CYP46A1: variants seen among roughly 807,000 people sequenced by gnomAD.
The protein encoded by CYP46A1 is cholesterol 24-hydroxylase.
Under a neutral mutation model 63.3 loss-of-function variants are expected in CYP46A1, and 20 were observed. The observed-to-expected ratio is 0.32, with a 90% confidence interval of 0.22 to 0.46. The LOEUF is 0.46. Ranked by LOEUF, CYP46A1 falls within the 20% of genes least tolerant of loss-of-function variation. The pLI, the probability that CYP46A1 is intolerant of heterozygous loss-of-function variation, is 1.00. For missense variants in CYP46A1, 445 were observed against 670.8 expected, an observed-to-expected ratio of 0.66 and a Z score of 3.72; for synonymous variants, 268 against 273.6, an observed-to-expected ratio of 0.98 and a Z score of 0.20.
Position 99,725,526 on chromosome 14 carries a change from G to A in CYP46A1, c.1265+47G>A. The A allele has an allele frequency of 6.9e-7, 1 of 1,444,602 alleles. No individual in the cohort carries two copies. Among genetic ancestry groups the A allele is most frequent in the Non-Finnish European group, 9.7e-7 (1 of 1,026,064 alleles). 89.5% of individuals were successfully genotyped at this position (1,444,602 alleles called of 1,614,324 possible). On this transcript the variant is annotated intron_variant, in intron 13 of 14. Coordinates refer to ENST00000261835, the MANE Select transcript of CYP46A1 (RefSeq NM_006668.2). This position sits in a 1 kb window ranked among gnomAD's most constrained non-coding sequence, Gnocchi z 4.2. Reference sequence around the variant, plus strand: ...CCATGAGTGGGGCTGGCGGGAGAAGGACAGACACAGCGGCCTCTGGTCTGA... The same window carrying A: ...CCATGAGTGGGGCTGGCGGGAGAAGAACAGACACAGCGGCCTCTGGTCTGA...
At chr14:99,686,147 A>G (rs563458441) in intron 1 of CYP46A1, among the ~76,000 whole-genome samples, 4 of 152,298 alleles carry the variant, frequency 2.6e-5, no homozygotes, top group Admixed American at 2.6e-4. Context: ...TCAAGGTTGA[A>G]TGGTGGAAAT....
At chr14:99,691,481 T>G in intron 2 of CYP46A1, 1 of 571,804 alleles carries the variant, frequency 1.7e-6, no homozygotes, top group Admixed American at 3.1e-5. Flanking sequence ...TCAAAGTACT[T>G]TCAAAGATGC....
chr14:99,726,385 C>T lies in CYP46A1; in HGVS notation c.1332+129C>T, dbSNP rs2056898117. 5.0e-6 allele frequency: 6 copies of T among 1,205,660 alleles called. No individual in the cohort carries two copies. In the African/African-American group the frequency reaches 9.3e-5, roughly 19 times the overall value. The allele number at this position is 1,205,660 out of a possible 1,614,324, so 74.7% of individuals were successfully genotyped here. ...CTGTGGGCTCGGGACCCAGCGGAGC[C>T]AGACCCAGAGGACTGGCTGTGTTTT... On this transcript the variant is annotated intron_variant, in intron 14 of 14. Coordinates refer to ENST00000261835, the MANE Select transcript of CYP46A1 (RefSeq NM_006668.2).
chr14:99,715,704 C>A (rs1021981969), intron 7 of CYP46A1, 106 bp from the exon 8 acceptor site: 3 of 1,451,920 alleles, frequency 2.1e-6, no homozygotes, highest in Non-Finnish European at 2.9e-6. Context: ...ATTCTACTGA[C>A]CTCCCAGCTT....
At chr14:99,688,679 T>G (rs368341093) in intron 1 of CYP46A1, among the ~76,000 whole-genome samples, 5 of 152,196 alleles carry the variant, frequency 3.3e-5, no homozygotes, top group African/African-American at 1.2e-4. Flanking sequence ...CTTCACCCTC[T>G]CGTTCCCTGT....
chr14:99,691,659 T>G, intron 2 of CYP46A1, 121 bp from the exon 3 acceptor site: 16 of 887,648 alleles, frequency 1.8e-5, no homozygotes, highest in Non-Finnish European at 3.0e-5. Context: ...ACAGCACTCT[T>G]TTGGTAGCAT....
chr14:99,717,370 C>T (rs896570623), intron 9 of CYP46A1, among the ~76,000 whole-genome samples: 4 of 152,064 alleles, frequency 2.6e-5, no homozygotes, highest in Admixed American at 6.6e-5. Flanking sequence ...AAACTGAGGC[C>T]GAGGAGGGAA....
intron 5 of CYP46A1, chr14:99,706,387 C>G: frequency 2.3e-6 from 1 of 439,182 alleles, no homozygotes; most frequent in South Asian, 2.7e-5. Flanking sequence ...CAGTGACCAA[C>G]AGAGTACCTG....
At chr14:99,700,223 G>A in intron 5 of CYP46A1, 122 bp downstream of exon 5, 1 of 584,924 alleles carries the variant, frequency 1.7e-6, no homozygotes, top group South Asian at 2.6e-5. Flanking sequence ...GCTGAAGGGA[G>A]AGAGGAAAAA....
intron 10 of CYP46A1, among the ~76,000 whole-genome samples, chr14:99,720,001 A>T (rs1425653344): frequency 1.3e-5 from 2 of 150,856 alleles, no homozygotes; most frequent in African/African-American, 2.4e-5. Context: ...TGACCTCATG[A>T]TCCACCCGCC....
At chr14:99,689,339 G>A (rs2056523478) in intron 1 of CYP46A1, among the ~76,000 whole-genome samples, 1 of 152,334 alleles carries the variant, frequency 6.6e-6, no homozygotes, top group African/African-American at 2.4e-5. Context: ...GTGGGAGGAG[G>A]AGAGTGGATA....
intron 2 of CYP46A1, 91 bp downstream of exon 2, chr14:99,691,252 A>G: frequency 1.6e-6 from 2 of 1,273,716 alleles, no homozygotes; most frequent in Non-Finnish European, 2.3e-6. Flanking sequence ...TCCCAGCCTC[A>G]CCTTCCCCTA....
At chr14:99,684,619 G>A in intron 1 of CYP46A1, 83 bp downstream of exon 1, 3 of 1,259,862 alleles carry the variant, frequency 2.4e-6, no homozygotes, top group South Asian at 1.4e-5. Context: ...GTCCAGGCCG[G>A]GGGTCCGGCC....
chr14:99,711,124 C>T (rs894287949), intron 7 of CYP46A1: 3 of 151,978 alleles, frequency 2.0e-5, no homozygotes, highest in Non-Finnish European at 2.9e-5. Flanking sequence ...AAGGGGAACA[C>T]AACATACCAA....
intron 10 of CYP46A1, among the ~76,000 whole-genome samples, 185 bp from the exon 11 acceptor site, chr14:99,721,054 C>T (rs1178337682): frequency 6.6e-6 from 1 of 152,224 alleles, no homozygotes; most frequent in Non-Finnish European, 1.5e-5. Flanking sequence ...CACACCACTG[C>T]ACTCCAGCCT....
chr14:99,690,898 G>A (rs1389421393), intron 1 of CYP46A1, among the ~76,000 whole-genome samples, 183 bp from the exon 2 acceptor site: 2 of 152,150 alleles, frequency 1.3e-5, no homozygotes, highest in African/African-American at 2.4e-5. Flanking sequence ...TTTGGAGCTG[G>A]TCAGACCTGG....
At chr14:99,700,392 A>C (rs1185810770) in intron 5 of CYP46A1, among the ~76,000 whole-genome samples, 1 of 152,216 alleles carries the variant, frequency 6.6e-6, no homozygotes, top group Non-Finnish European at 1.5e-5. Flanking sequence ...AGAGCTCCCC[A>C]CATCAGACCT....
chr14:99,703,504 C>A, intron 5 of CYP46A1: 2 of 809,620 alleles, frequency 2.5e-6, no homozygotes, highest in Non-Finnish European at 1.5e-6. Flanking sequence ...TAAACCCCTC[C>A]AACCTTTGCA....
At chr14:99,701,996 G>A (rs2056634856) in intron 5 of CYP46A1, among the ~76,000 whole-genome samples, 1 of 151,394 alleles carries the variant, frequency 6.6e-6, no homozygotes, top group African/African-American at 2.4e-5. Flanking sequence ...CTTGAACCTG[G>A]GAGGCGGAGG....
Sources: gnomAD v4.1 joint callset for allele counts (sites outside exome capture counted in the v4.1 genomes callset) on GRCh38, gnomAD v4.1.1 for gene constraint, Gnocchi (gnomAD v3.1) non-coding constraint, MANE v1.5 for transcripts, NCBI Gene and HGNC (gene_info 2026-07-23, HGNC 2026-07-21) for gene names.